Variants in UNC5D observed in about 807,000 individuals in gnomAD.
UNC5D encodes netrin receptor UNC5D.
UNC5D carries 39 observed loss-of-function variants against 105.4 expected under a neutral mutation model. The observed-to-expected ratio is 0.37, with a 90% CI of 0.29 to 0.48. UNC5D has a LOEUF of 0.48. UNC5D is among the 20% of genes least tolerant of loss of function. The pLI, the probability that UNC5D is intolerant of heterozygous loss-of-function variation, is 0.98. For missense variants in UNC5D, 991 were observed against 1,202.4 expected (o/e 0.82, Z 2.60); for synonymous variants, 452 against 450.4 (o/e 1.00, Z -0.04).
At chr8:35,354,375 C>T (rs569469108) in intron 1 of UNC5D, among the ~76,000 whole-genome samples, 1 of 152,058 alleles carries the variant, frequency 6.6e-6, no homozygotes, top group Non-Finnish European at 1.5e-5. Flanking sequence ...GAGTTTATGA[C>T]ATCTTTGTTA....
At chr8:35,562,404 C>G (rs1257330991) in intron 2 of UNC5D, among the ~76,000 whole-genome samples, 1 of 151,978 alleles carries the variant, frequency 6.6e-6, no homozygotes, top group Non-Finnish European at 1.5e-5. Context: ...TTCAAGGAAC[C>G]TTTATACTGT....
chr8:35,316,669 C>T (rs1809327671), intron 1 of UNC5D, among the ~76,000 whole-genome samples: 2 of 152,206 alleles, frequency 1.3e-5, no homozygotes, highest in Admixed American at 1.3e-4. Flanking sequence ...TGGGATGTTT[C>T]ACGTGAGCCT....
chr8:35,371,701 G>A (rs1183838601), intron 1 of UNC5D, among the ~76,000 whole-genome samples: 1 of 147,724 alleles, frequency 6.8e-6, no homozygotes, highest in Non-Finnish European at 1.5e-5. Context: ...CTCATAGTCT[G>A]TTTCTCTGGC....
At chr8:35,686,746 A>C (rs778013092) in intron 7 of UNC5D, 37 bp downstream of exon 7, 1 of 1,521,330 alleles carries the variant, frequency 6.6e-7, no homozygotes, top group Non-Finnish European at 8.8e-7. Flanking sequence ...GTGTTTGTTC[A>C]TAATACCATT....
chr8:35,694,203 C>T (rs889926492), intron 7 of UNC5D, among the ~76,000 whole-genome samples: 4 of 152,104 alleles, frequency 2.6e-5, no homozygotes, highest in Admixed American at 1.3e-4. Context: ...ATGATATCCC[C>T]GAGAAACACT....
At chr8:35,525,482 C>T (rs1455155976) in intron 1 of UNC5D, 7 of 1,612,172 alleles carry the variant, frequency 4.3e-6, no homozygotes, top group African/African-American at 2.7e-5. Context: ...TCTCCTCCTT[C>T]TCTGTCCGTG....
chr8:35,634,635 CA>C (rs1346952913), intron 4 of UNC5D, among the ~76,000 whole-genome samples: 1 of 151,868 alleles, frequency 6.6e-6, no homozygotes, highest in African/African-American at 2.4e-5. Context: ...AATACTGATG[CA>C]GGGGGGAAAA....
At chr8:35,680,871 G>T (rs1406602328) in intron 4 of UNC5D, among the ~76,000 whole-genome samples, 1 of 152,176 alleles carries the variant, frequency 6.6e-6, no homozygotes, top group Non-Finnish European at 1.5e-5. Context: ...GGACAGCTGA[G>T]CGGGGAACAT....
intron 4 of UNC5D, among the ~76,000 whole-genome samples, chr8:35,660,302 A>G (rs1824030885): frequency 6.6e-6 from 1 of 152,160 alleles, no homozygotes; most frequent in South Asian, 2.1e-4. Context: ...AAGGAAGTAA[A>G]CTGGGTGAAT....
At chr8:35,427,029 CTACTAAAGGTAAAATACATCTTCT>C (rs748753234) in intron 1 of UNC5D, among the ~76,000 whole-genome samples, 6 of 152,148 alleles carry the variant, frequency 3.9e-5, no homozygotes, top group Non-Finnish European at 7.3e-5. Context: ...TCACTTGGCT[CTACTAAAGGTAAAATACATCTTCT>C]TTGATTTATT....
intron 1 of UNC5D, among the ~76,000 whole-genome samples, chr8:35,425,306 G>A (rs74794462): frequency 0.049 from 7,530 of 152,250 alleles, 213 homozygotes; most frequent in African/African-American, 0.073. Context: ...AAAACTTGGC[G>A]TAGAAACCAA....
chr8:35,551,681 G>A (rs1816152365), intron 2 of UNC5D, among the ~76,000 whole-genome samples: 1 of 152,060 alleles, frequency 6.6e-6, no homozygotes, highest in Non-Finnish European at 1.5e-5. Flanking sequence ...AGCCAGGGTT[G>A]GTGACGGGTG....
At chr8:35,680,659 G>A (rs184693523) in intron 4 of UNC5D, among the ~76,000 whole-genome samples, 91 of 152,180 alleles carry the variant, frequency 6.0e-4, no homozygotes, top group East Asian at 1.9e-4. Flanking sequence ...TCTACTTGAC[G>A]GTTGTACCTT....
chr8:35,258,799 G>C (rs567122942), intron 1 of UNC5D, among the ~76,000 whole-genome samples: 2 of 152,288 alleles, frequency 1.3e-5, no homozygotes, highest in South Asian at 4.1e-4. Flanking sequence ...GAAATGCAGG[G>C]AGTGAAACAT....
chr8:35,582,853 T>A (rs1478981324), intron 3 of UNC5D, among the ~76,000 whole-genome samples: 2 of 152,160 alleles, frequency 1.3e-5, no homozygotes, highest in Non-Finnish European at 2.9e-5. Context: ...CCCTCTAATT[T>A]CCTGTAGAAG....
At chr8:35,384,374 T>A (rs1334179634) in intron 1 of UNC5D, among the ~76,000 whole-genome samples, 6 of 152,196 alleles carry the variant, frequency 3.9e-5, no homozygotes, top group Non-Finnish European at 8.8e-5. Context: ...ACTATAAATA[T>A]GGGTGCACTC....
chr8:35,410,766 C>G (rs1585778310), intron 1 of UNC5D, among the ~76,000 whole-genome samples: 1 of 151,952 alleles, frequency 6.6e-6, no homozygotes, highest in East Asian at 1.9e-4. Context: ...GTAACTTGCC[C>G]AAGGTTGCAC....
intron 7 of UNC5D, among the ~76,000 whole-genome samples, chr8:35,699,101 TG>T (rs1449965163): frequency 6.6e-6 from 1 of 152,196 alleles, no homozygotes; most frequent in African/African-American, 2.4e-5. Context: ...TATTTTACTC[TG>T]CATATTCATC....
chr8:35,238,786 A>G (rs1189393726), intron 1 of UNC5D, among the ~76,000 whole-genome samples: 1 of 152,192 alleles, frequency 6.6e-6, no homozygotes, highest in Non-Finnish European at 1.5e-5. Context: ...GTAATGCATT[A>G]ATGGCAAGAG....
Sources: allele counts gnomAD v4.1 joint callset (sites outside exome capture counted in the v4.1 genomes callset), GRCh38; gene constraint gnomAD v4.1.1; transcripts MANE v1.5; gene names NCBI Gene and HGNC (gene_info 2026-07-23, HGNC 2026-07-21).